The following FBLN5 variants were observed in gnomAD, a reference collection of about 807,000 sequenced individuals.
The protein encoded by FBLN5 is fibulin 5.
A neutral mutation model predicts 61.6 loss-of-function variants in FBLN5; 24 were observed. The ratio of observed to expected loss-of-function variants is 0.39; its 90% CI spans 0.28 to 0.55. FBLN5 has a LOEUF of 0.55. FBLN5 is among the 20% of genes least tolerant of loss of function. The pLI is 0.65. For synonymous variants in FBLN5, 213 were observed against 219.8 expected, an observed-to-expected ratio of 0.97 and a Z score of 0.27; for missense variants, 470 against 594.1, an observed-to-expected ratio of 0.79 and a Z score of 2.17.
chr14:91,894,402 CAA>C (rs58035118), intron 5 of FBLN5, among the ~76,000 whole-genome samples: 72 of 34,398 alleles, frequency 2.1e-3, no homozygotes, highest in African/African-American at 8.0e-3. Context: ...GACACCATAT[CAA>C]AAAAAAAAAA....
chr14:91,947,221 TC>T lies in FBLN5; in HGVS notation c.8del (p.Gly3GlufsTer2), dbSNP rs1451755814. 1 of 1,614,018 alleles carries T rather than the reference TC, an allele frequency of 6.2e-7. No homozygotes were observed. The highest frequency in any genetic ancestry group is 1.3e-5 in the African/African-American group (1 of 74,908). On this transcript the variant is annotated frameshift_variant, in exon 1 of 11. Coordinates refer to ENST00000342058, the MANE Select transcript of FBLN5 (RefSeq NM_006329.4). LOFTEE classifies it high-confidence loss of function. This position sits in a 1 kb window ranked among gnomAD's most constrained non-coding sequence, Gnocchi z 4.3. MP[G>X]IKRILTVTIL... ...CAGCGCCGAGAACCCACCTTTTTAT[TC>T]CTGGCATGTCCAAGACGCGCGAGGA...
chr14:91,919,313 A>G (rs557198410), intron 4 of FBLN5, among the ~76,000 whole-genome samples: 1 of 149,156 alleles, frequency 6.7e-6, no homozygotes, highest in Non-Finnish European at 1.5e-5. Flanking sequence ...CCTGGGTGAC[A>G]GAGCAAGACT....
intron 4 of FBLN5, among the ~76,000 whole-genome samples, chr14:91,924,107 GAGTT>G: frequency 6.6e-6 from 1 of 152,266 alleles, no homozygotes; most frequent in Non-Finnish European, 1.5e-5. Context: ...AAGCATGTGG[GAGTT>G]ATTTATATTC....
chr14:91,935,166 G>A (rs2055992386), intron 4 of FBLN5, among the ~76,000 whole-genome samples: 1 of 152,242 alleles, frequency 6.6e-6, no homozygotes, highest in Non-Finnish European at 1.5e-5. Flanking sequence ...CAGGTTCAGA[G>A]CCATAAATGG....
chr14:91,894,801 T>C, intron 5 of FBLN5, 149 bp downstream of exon 5: 1 of 802,428 alleles, frequency 1.2e-6, no homozygotes, highest in Non-Finnish European at 2.1e-6. Context: ...TGGTTACACA[T>C]GTGAGTTCAA....
chr14:91,898,905 C>T (rs1425258805), intron 4 of FBLN5, among the ~76,000 whole-genome samples: 1 of 151,118 alleles, frequency 6.6e-6, no homozygotes, highest in Non-Finnish European at 1.5e-5. Flanking sequence ...GGGTTCACAC[C>T]ACTCTTCTGC....
chr14:91,889,242 C>T (rs1291600244), intron 6 of FBLN5, among the ~76,000 whole-genome samples: 2 of 152,210 alleles, frequency 1.3e-5, no homozygotes, highest in Admixed American at 1.3e-4. Flanking sequence ...AGGACAGTGC[C>T]GGCAAGTGTT....
chr14:91,945,001 T>G (rs1029306293), intron 1 of FBLN5, among the ~76,000 whole-genome samples: 1 of 152,120 alleles, frequency 6.6e-6, no homozygotes, highest in African/African-American at 2.4e-5. Context: ...GAGGCCGAGG[T>G]GGGTGGATCA....
At chr14:91,881,047 A>G (rs1889418291) in intron 9 of FBLN5, among the ~76,000 whole-genome samples, 1 of 151,292 alleles carries the variant, frequency 6.6e-6, no homozygotes, top group Admixed American at 6.6e-5. Flanking sequence ...AACAATATTG[A>G]CTCTTGCTAT....
At position 91,891,211 on chromosome 14, in the gene FBLN5, C is replaced by A. The variant is rs370854347; in HGVS notation, c.619+10G>T. 1 of 1,472,682 alleles carries A rather than the reference C, an allele frequency of 6.8e-7. No homozygotes were observed. The highest frequency in any genetic ancestry group is 1.1e-5 in the South Asian group (1 of 88,264). 91.2% of individuals were successfully genotyped at this position (1,472,682 alleles called of 1,614,324 possible). A position where few individuals can be genotyped will look rare whatever the true frequency, so the allele number is the denominator to read the frequency against. On this transcript the variant is annotated intron_variant, in intron 6 of 10. Transcript: ENST00000342058. ...CACATCATGTCCAAGTTATCATGCA[C>A]GTCACATACCTTGGCAAGACCTTCC...
chr14:91,888,082 T>C (rs1421866121), intron 6 of FBLN5, among the ~76,000 whole-genome samples: 1 of 152,108 alleles, frequency 6.6e-6, no homozygotes, highest in Non-Finnish European at 1.5e-5. Context: ...GTGGATCGCT[T>C]GAGCCCAGGA....
chr14:91,894,965 C>T lies in FBLN5; in HGVS notation c.487G>A (p.Glu163Lys). Reference sequence around the variant, plus strand: ...GAGCTGTTACCTAAGCACTGGCCTTCCAGAAGCCAATATCCGTCGGTGCAG... The same window carrying T: ...GAGCTGTTACCTAAGCACTGGCCTTTCAGAAGCCAATATCCGTCGGTGCAG... The part of the protein sequence containing the change: ...CSCTDGYWLL[E>K]GQCLDIDECR... The change falls in exon 5 of 11, where the codon GAA (glutamate) becomes AAA (lysine). Residue 163 changes from glutamate to lysine, a missense_variant. Physicochemically the swap from Glu to Lys is moderately conservative, Grantham distance 56. Transcript: ENST00000342058. 2 of 1,614,054 alleles carry T rather than the reference C, an allele frequency of 1.2e-6. No individual in the cohort carries two copies. Among genetic ancestry groups the T allele is most frequent in the Non-Finnish European group, 1.7e-6 (2 of 1,179,976 alleles).
chr14:91,926,215 C>T (rs1352376646), intron 4 of FBLN5, among the ~76,000 whole-genome samples: 1 of 152,182 alleles, frequency 6.6e-6, no homozygotes, highest in Non-Finnish European at 1.5e-5. Flanking sequence ...AGCCTGTGGG[C>T]ACCTGCCTGC....
At chr14:91,916,202 T>C (rs552144207) in intron 4 of FBLN5, among the ~76,000 whole-genome samples, 13 of 152,222 alleles carry the variant, frequency 8.5e-5, no homozygotes, top group African/African-American at 2.4e-4. Flanking sequence ...TCACAGCACT[T>C]TGGGAGGCCG....
intron 6 of FBLN5, among the ~76,000 whole-genome samples, chr14:91,888,862 T>C (rs546732674): frequency 7.0e-4 from 106 of 152,154 alleles, no homozygotes; most frequent in African/African-American, 2.5e-3. Flanking sequence ...GTAAGCACCA[T>C]CCCACAATGC....
chr14:91,930,830 A>G (rs978359842), intron 4 of FBLN5, among the ~76,000 whole-genome samples: 4 of 152,198 alleles, frequency 2.6e-5, no homozygotes, highest in African/African-American at 9.7e-5. Context: ...GTGAAGCCAC[A>G]TCAGGCTTAG....
intron 6 of FBLN5, among the ~76,000 whole-genome samples, chr14:91,889,642 C>T (rs368069517): frequency 4.6e-5 from 7 of 152,218 alleles, no homozygotes; most frequent in Admixed American, 1.3e-4. Context: ...GATGAACAGA[C>T]GTGACAATGC....
In FBLN5 at chr14:91,947,600, A is replaced by T. The variant is rs1416186055; in HGVS notation, c.-371T>A. The stretch of plus-strand genomic sequence containing the variant: ...CTCACCAACTGGCTAGACTCCTCAC[A>T]ACAATCTTGGGGCGTCTGCCAGGGC... On this transcript the variant is annotated 5_prime_UTR_variant, in exon 1 of 11. Coordinates refer to ENST00000342058, the MANE Select transcript of FBLN5 (RefSeq NM_006329.4). This position sits in a 1 kb window ranked among gnomAD's most constrained non-coding sequence, Gnocchi z 4.3. 1 of 316,862 alleles carries T rather than the reference A, an allele frequency of 3.2e-6. No individual in the cohort carries two copies. Among genetic ancestry groups the T allele is most frequent in the Non-Finnish European group, 6.0e-6 (1 of 166,890 alleles). The allele number at this position is 316,862 out of a possible 1,614,324, so 19.6% of individuals were successfully genotyped here. A position where few individuals can be genotyped will look rare whatever the true frequency, so the allele number is the denominator to read the frequency against.
rs576206486 is a variant in FBLN5 at position 91,941,696 on chromosome 14, G to A, written c.73-1080C>T. Reference sequence around the variant, plus strand: ...GGACTGGCATAGGTTCAAGACTGCTGGACCAGGGCATGGCTTCAAATTCTC... The same window carrying A: ...GGACTGGCATAGGTTCAAGACTGCTAGACCAGGGCATGGCTTCAAATTCTC... On this transcript the variant is annotated intron_variant, in intron 2 of 10. Coordinates refer to ENST00000342058, the MANE Select transcript of FBLN5 (RefSeq NM_006329.4). Among the ~76,000 whole-genome samples, 5 of 152,256 alleles carry A rather than the reference G, an allele frequency of 3.3e-5. No individual in the cohort carries two copies. In the South Asian group the frequency reaches 8.3e-4, roughly 25 times the overall value.
Sources: allele counts gnomAD v4.1 joint callset (sites outside exome capture counted in the v4.1 genomes callset), GRCh38; gene constraint gnomAD v4.1.1; non-coding constraint Gnocchi (gnomAD v3.1); transcripts MANE v1.5; gene names NCBI Gene and HGNC (gene_info 2026-07-23, HGNC 2026-07-21).